The following ZNF469 variants were observed in gnomAD, a reference collection of about 807,000 sequenced individuals.
ZNF469 encodes zinc finger protein 469.
In ZNF469, 1 loss-of-function variant was observed where a neutral mutation model predicts 1.0. The observed-to-expected ratio is 1.00, with a 90% CI of 0.35 to 4.73. The LOEUF (loss-of-function observed/expected upper bound fraction) is 4.73. ZNF469 is among the 30% of genes most tolerant of loss of function. The pLI, the probability that ZNF469 is intolerant of heterozygous loss-of-function variation, is 0.16. For synonymous variants in ZNF469, 2,703 were observed against 2,363.4 expected (o/e 1.14, Z -4.17); for missense variants, 6,100 against 5,356.3 (o/e 1.14, Z -4.33).
chr16:88,102,295 T>C, the ZNF469 span, among the ~76,000 whole-genome samples: 1 of 152,212 alleles, frequency 6.6e-6, no homozygotes, highest in Admixed American at 6.5e-5. Flanking sequence ...GGCGGGTGGA[T>C]CACCTGAGGT....
At chr16:88,167,407 C>T in the ZNF469 span, among the ~76,000 whole-genome samples, 1 of 152,194 alleles carries the variant, frequency 6.6e-6, no homozygotes, top group African/African-American at 2.4e-5. Context: ...TGGGTCCCTG[C>T]ATTGCAAGAA....
the ZNF469 span, among the ~76,000 whole-genome samples, chr16:88,218,505 GAAGT>G: frequency 5.3e-5 from 8 of 152,282 alleles, no homozygotes; most frequent in East Asian, 1.5e-3. Flanking sequence ...TTTTAGACAT[GAAGT>G]CCTTGCCCAC....
the ZNF469 span, among the ~76,000 whole-genome samples, chr16:88,273,653 C>G: frequency 6.6e-6 from 1 of 152,156 alleles, no homozygotes. Flanking sequence ...TGTGTACATA[C>G]CCAAATGAAC....
the ZNF469 span, among the ~76,000 whole-genome samples, chr16:88,238,541 A>C: frequency 6.6e-6 from 1 of 152,204 alleles, no homozygotes; most frequent in South Asian, 2.1e-4. Flanking sequence ...TTCCAAGCCA[A>C]CTTGAGGGCT....
chr16:88,284,900 G>A, the ZNF469 span, among the ~76,000 whole-genome samples: 1 of 152,264 alleles, frequency 6.6e-6, no homozygotes, highest in Non-Finnish European at 1.5e-5. Flanking sequence ...ACTCTGGGAG[G>A]CCACTGTCCC....
the ZNF469 span, among the ~76,000 whole-genome samples, chr16:88,165,637 G>A: frequency 6.6e-6 from 1 of 152,276 alleles, no homozygotes; most frequent in Non-Finnish European, 1.5e-5. Flanking sequence ...CATAACATAA[G>A]ACGTACTATC....
chr16:88,213,102 C>CT, the ZNF469 span, among the ~76,000 whole-genome samples: 7 of 148,018 alleles, frequency 4.7e-5, no homozygotes, highest in South Asian at 4.3e-4. Flanking sequence ...ATTCTGTTTG[C>CT]TTTTTTTTTT....
At chr16:88,210,516 A>C in the ZNF469 span, among the ~76,000 whole-genome samples, 1 of 152,228 alleles carries the variant, frequency 6.6e-6, no homozygotes, top group African/African-American at 2.4e-5. Context: ...GAAGTTTAAA[A>C]AGCTTTTCTG....
the ZNF469 span, among the ~76,000 whole-genome samples, chr16:88,289,829 T>C: frequency 6.6e-6 from 1 of 152,230 alleles, no homozygotes. Context: ...TGCACACTTA[T>C]GTCCCAAGTG....
At chr16:88,229,639 G>A in the ZNF469 span, among the ~76,000 whole-genome samples, 3 of 129,270 alleles carry the variant, frequency 2.3e-5, no homozygotes, top group Admixed American at 7.6e-5. Flanking sequence ...GATGTCACGT[G>A]TGTGTGCTGA....
At chr16:88,312,113 T>G in the ZNF469 span, among the ~76,000 whole-genome samples, 15 of 152,218 alleles carry the variant, frequency 9.9e-5, no homozygotes, top group Non-Finnish European at 2.2e-4. Flanking sequence ...GGTTTCCCAG[T>G]ATAAACCCAT....
chr16:88,386,476 C>T (rs1453622979), intron 1 of ZNF469, among the ~76,000 whole-genome samples: 3 of 152,172 alleles, frequency 2.0e-5, no homozygotes, highest in Admixed American at 1.3e-4. Flanking sequence ...TGCCCTCACG[C>T]ATCCTGCATC....
Position 88,428,699 on chromosome 16 carries a change from C to A in ZNF469, c.1229C>A (p.Ala410Glu). ...CCCCAGAGGCACTTTCCAGGGCAGG[C>A]GTACAGAGCCAGTGGGGTGGACACC... ...SLPQRHFPGQ[A>E]YRASGVDTSP... The change falls in exon 3 of 3, where the codon GCG (alanine) becomes GAG (glutamate). Residue 410 changes from alanine (A) to glutamate (E), a missense_variant. Transcript: ENST00000565624. 1.3e-6 allele frequency: 2 copies of A among 1,549,170 alleles called. No individual in the cohort carries two copies. The highest frequency in any genetic ancestry group is 1.7e-6 in the Non-Finnish European group (2 of 1,146,790).
intron 1 of ZNF469, among the ~76,000 whole-genome samples, chr16:88,391,967 AAC>A (rs1189006464): frequency 3.9e-5 from 6 of 152,242 alleles, no homozygotes; most frequent in African/African-American, 1.4e-4. Flanking sequence ...CCTGTCATAT[AAC>A]ACATAACATG....
chr16:88,399,081 C>T lies in ZNF469; in HGVS notation c.-192+15827C>T, dbSNP rs374216908. On this transcript the variant is annotated intron_variant, in intron 1 of 2. Transcript: ENST00000565624. ...CACACGGCAATGGTCTCCCCTGTTCCGAGAGTATGATGTTGGCGCTTCGGC... is the reference window on the plus strand; with the variant it reads ...CACACGGCAATGGTCTCCCCTGTTCTGAGAGTATGATGTTGGCGCTTCGGC... Among the ~76,000 whole-genome samples, 44 of 152,368 alleles carry T rather than the reference C, an allele frequency of 2.9e-4. 1 individual carries two copies. The highest frequency in any genetic ancestry group is 2.7e-3 in the East Asian group (14 of 5,180).
In ZNF469 at chr16:88,434,556, C is replaced by T. The variant is rs2142310373; in HGVS notation, c.7086C>T (p.Ser2362=). ...CGCTACAGGGTGCAGGGCCGGACTCCCCCGCCTGCCTGGAAGGTGAGATGG... is the reference window on the plus strand; with the variant it reads ...CGCTACAGGGTGCAGGGCCGGACTCTCCCGCCTGCCTGGAAGGTGAGATGG... ...PPTLQGAGPD[S]PACLEGEMGT... is the part of the protein sequence containing the mutation. The change falls in exon 3 of 3, where the codon TCC becomes TCT. Residue 2362 remains serine (S), a synonymous_variant. Coordinates refer to ENST00000565624, the MANE Select transcript of ZNF469 (RefSeq NM_001367624.2). The T allele has an allele frequency of 7.1e-6, 11 of 1,550,324 alleles. No individual in the cohort carries two copies. Among genetic ancestry groups the T allele is most frequent in the Non-Finnish European group, 9.6e-6 (11 of 1,146,928 alleles).
chr16:88,190,841 G>T, the ZNF469 span, among the ~76,000 whole-genome samples: 1 of 152,230 alleles, frequency 6.6e-6, no homozygotes, highest in African/African-American at 2.4e-5. Context: ...GTAACACACT[G>T]CCACAAACTG....
intron 2 of ZNF469, among the ~76,000 whole-genome samples, chr16:88,426,544 C>T (rs1404629620): frequency 6.6e-6 from 1 of 152,278 alleles, no homozygotes; most frequent in East Asian, 1.9e-4. Context: ...GGGCAAGCGG[C>T]TCCTGCTACA....
chr16:88,273,200 A>G, the ZNF469 span, among the ~76,000 whole-genome samples: 6 of 152,150 alleles, frequency 3.9e-5, no homozygotes, highest in East Asian at 1.2e-3. Flanking sequence ...TGGATGCATG[A>G]ATGAAGTTGC....
Sources: gnomAD v4.1 joint callset for allele counts (sites outside exome capture counted in the v4.1 genomes callset) on GRCh38, gnomAD v4.1.1 for gene constraint, MANE v1.5 for transcripts, NCBI Gene and HGNC (gene_info 2026-07-23, HGNC 2026-07-21) for gene names.